Variants in EYS observed in about 807,000 individuals in gnomAD.
EYS encodes the protein protein eyes shut homolog.
Under a neutral mutation model 282.1 loss-of-function variants are expected in EYS, and 250 were observed. That is an observed-to-expected ratio of 0.89 (90% CI 0.80 to 0.98). The LOEUF (loss-of-function observed/expected upper bound fraction) is 0.98, where lower values mean the gene tolerates loss of function less well. Ranked by LOEUF, EYS falls within the 50% of genes least tolerant of loss-of-function variation. The pLI is 0.00. For synonymous variants in EYS, 1,355 were observed against 1,282.9 expected, an observed-to-expected ratio of 1.06 and a Z score of -1.20; for missense variants, 4,016 against 3,709.0, an observed-to-expected ratio of 1.08 and a Z score of -2.15.
At chr6:64,661,710 G>A (rs1054065382) in intron 22 of EYS, among the ~76,000 whole-genome samples, 9 of 142,346 alleles carry the variant, frequency 6.3e-5, no homozygotes, top group African/African-American at 8.0e-5. Flanking sequence ...TTAGAATGGT[G>A]ATCATTAAAA....
chr6:64,765,275 A>G (rs921082545), intron 22 of EYS, among the ~76,000 whole-genome samples: 3 of 152,182 alleles, frequency 2.0e-5, no homozygotes, highest in African/African-American at 7.2e-5. Flanking sequence ...CCAGTTTCCA[A>G]TAAGTTCCTC....
At chr6:64,954,795 C>G (rs1032806964) in intron 14 of EYS, among the ~76,000 whole-genome samples, 6 of 152,126 alleles carry the variant, frequency 3.9e-5, no homozygotes, top group African/African-American at 1.4e-4. Flanking sequence ...ACTGAAAACA[C>G]CTTCATAAGA....
rs555004153 is a variant in EYS at position 64,818,852 on chromosome 6, A to G, written c.3243+2793T>C. On this transcript the variant is annotated intron_variant, in intron 21 of 42. Transcript: ENST00000503581. ...GACTCAAATATTAATCTCCTTTGGCAATACTCTCACAGACACACCCAGGAA... is the reference window on the plus strand; with the variant it reads ...GACTCAAATATTAATCTCCTTTGGCGATACTCTCACAGACACACCCAGGAA... Among the ~76,000 whole-genome samples, 105 of 152,224 alleles carry G rather than the reference A, an allele frequency of 6.9e-4. 1 individual carries two copies. The highest frequency in any genetic ancestry group is 2.5e-3 in the African/African-American group (104 of 41,544).
rs145733839 is a variant in EYS at position 64,717,604 on chromosome 6, G to T, written c.3444-91359C>A. 1.1e-3 allele frequency among the ~76,000 whole-genome samples: 162 copies of T among 152,282 alleles called. 1 individual carries two copies. The highest frequency in any genetic ancestry group is 3.4e-3 in the Middle Eastern group (1 of 294). On this transcript the variant is annotated intron_variant, in intron 22 of 42. Transcript: ENST00000503581. ...TGCTGTGCAGCCTAGTTCCTAACAG[G>T]CCACGAACTGGTACCTAAGAGGCCA...
At chr6:65,531,443 G>A (rs1358532197) in intron 2 of EYS, among the ~76,000 whole-genome samples, 1 of 152,130 alleles carries the variant, frequency 6.6e-6, no homozygotes, top group Admixed American at 6.6e-5. Context: ...TGGAACATGA[G>A]GCAAGAAAGA....
chr6:64,646,922 C>T (rs1768375496), intron 22 of EYS, among the ~76,000 whole-genome samples: 1 of 151,796 alleles, frequency 6.6e-6, no homozygotes, highest in Non-Finnish European at 1.5e-5. Context: ...GTTTATACTT[C>T]TTTGTGACAG....
At chr6:64,553,308 C>T (rs905365539) in intron 26 of EYS, among the ~76,000 whole-genome samples, 1 of 152,138 alleles carries the variant, frequency 6.6e-6, no homozygotes, top group Non-Finnish European at 1.5e-5. Context: ...CCTTTCATCA[C>T]TTATTAATAT....
chr6:64,107,943 C>T (rs552262604), intron 31 of EYS, among the ~76,000 whole-genome samples: 1 of 151,976 alleles, frequency 6.6e-6, no homozygotes, highest in Non-Finnish European at 1.5e-5. Context: ...TTGGAGTGGG[C>T]AGGAGCTGTG....
intron 31 of EYS, among the ~76,000 whole-genome samples, chr6:64,157,683 C>A (rs555467434): frequency 6.3e-4 from 96 of 152,248 alleles, no homozygotes; most frequent in African/African-American, 2.3e-3. Context: ...GGTGGAAGCC[C>A]CAAGGCTTGG....
intron 35 of EYS, among the ~76,000 whole-genome samples, chr6:63,877,504 TTGAC>T (rs1773008133): frequency 6.6e-6 from 1 of 152,208 alleles, no homozygotes; most frequent in Non-Finnish European, 1.5e-5. Context: ...TTTCCTGAAT[TTGAC>T]TGTTGGGCTG....
chr6:65,622,730 C>T (rs946646391), intron 2 of EYS, among the ~76,000 whole-genome samples: 2 of 150,782 alleles, frequency 1.3e-5, no homozygotes, highest in Admixed American at 6.7e-5. Context: ...TAATGAATAT[C>T]TCTTACTATA....
chr6:64,433,277 G>A (rs1774631471), intron 28 of EYS, among the ~76,000 whole-genome samples: 1 of 151,972 alleles, frequency 6.6e-6, no homozygotes, highest in Non-Finnish European at 1.5e-5. Context: ...CAAAATAAAA[G>A]AGGGTAAAAC....
intron 5 of EYS, among the ~76,000 whole-genome samples, chr6:65,423,647 T>G (rs1421204826): frequency 6.6e-6 from 1 of 151,856 alleles, no homozygotes; most frequent in Admixed American, 6.6e-5. Flanking sequence ...GAAATATACT[T>G]CCCTCCATCC....
At chr6:64,446,131 C>G (rs1349716892) in intron 26 of EYS, among the ~76,000 whole-genome samples, 1 of 152,170 alleles carries the variant, frequency 6.6e-6, no homozygotes, top group African/African-American at 2.4e-5. Flanking sequence ...AAGGATGAGT[C>G]TAGCCATTTA....
At chr6:64,330,347 G>A (rs1770592358) in intron 29 of EYS, among the ~76,000 whole-genome samples, 3 of 152,070 alleles carry the variant, frequency 2.0e-5, no homozygotes, top group Non-Finnish European at 4.4e-5. Flanking sequence ...AGGGGCAGCT[G>A]GTTTGTCTCA....
At chr6:65,262,920 T>A (rs1405589111) in intron 12 of EYS, among the ~76,000 whole-genome samples, 1 of 152,148 alleles carries the variant, frequency 6.6e-6, no homozygotes, top group Non-Finnish European at 1.5e-5. Flanking sequence ...GGATCCGTCA[T>A]TGATATTATA....
At chr6:63,898,884 T>C (rs1773598187) in intron 35 of EYS, among the ~76,000 whole-genome samples, 1 of 152,196 alleles carries the variant, frequency 6.6e-6, no homozygotes, top group South Asian at 2.1e-4. Flanking sequence ...TAAGAAGCAG[T>C]GAGTTTTTAG....
chr6:64,109,175 G>C (rs1454602995), intron 31 of EYS, among the ~76,000 whole-genome samples: 1 of 152,066 alleles, frequency 6.6e-6, no homozygotes, highest in African/African-American at 2.4e-5. Flanking sequence ...GCAATATGAA[G>C]TAACTAACTC....
chr6:63,889,212 C>T (rs1773345929), intron 35 of EYS, among the ~76,000 whole-genome samples: 1 of 152,160 alleles, frequency 6.6e-6, no homozygotes, highest in Admixed American at 6.5e-5. Flanking sequence ...TTGGAAAACA[C>T]ACTTCAGAAT....
Sources: gnomAD v4.1 joint callset for allele counts (sites outside exome capture counted in the v4.1 genomes callset) on GRCh38, gnomAD v4.1.1 for gene constraint, MANE v1.5 for transcripts, NCBI Gene and HGNC (gene_info 2026-07-23, HGNC 2026-07-21) for gene names.